STUB1: variants seen among roughly 807,000 people sequenced by gnomAD.
STUB1 encodes the protein E3 ubiquitin-protein ligase CHIP.
In STUB1, 37 loss-of-function variants were observed where a neutral mutation model predicts 40.3. That is an observed-to-expected ratio of 0.92 (90% confidence interval 0.71 to 1.21). The LOEUF (loss-of-function observed/expected upper bound fraction) is 1.21. Among genes scored for constraint, STUB1 ranks in the 50% most tolerant of loss-of-function variants. STUB1 has a pLI of 0.00. For missense variants in STUB1, 460 were observed against 421.9 expected, an observed-to-expected ratio of 1.09 and a Z score of -0.79; for synonymous variants, 246 against 171.9, an observed-to-expected ratio of 1.43 and a Z score of -3.37.
chr16:682,186 C>T lies in STUB1; in HGVS notation c.691C>T (p.Leu231=), dbSNP rs779614903. 14 of 1,609,740 alleles carry T rather than the reference C, an allele frequency of 8.7e-6. No individual in the cohort carries two copies. In the African/African-American group the frequency reaches 1.6e-4, roughly 18 times the overall value. The part of the protein sequence containing the change: ...KRKKRDIPDY[L]CGKISFELMR... Reference sequence around the variant, plus strand: ...ACAGAAGCGAGACATCCCCGACTACCTGTGTGGCAAGATCAGCTTTGAGCT... The same window carrying T: ...ACAGAAGCGAGACATCCCCGACTACTTGTGTGGCAAGATCAGCTTTGAGCT... Residue 231 remains leucine (L), a synonymous_variant, in exon 6 of 7, where the codon CTG becomes TTG. Transcript: ENST00000219548.
rs774553201 is a variant in STUB1, at chr16:682,269, G to A, written c.774G>A (p.Glu258=). The change falls in exon 6 of 7, where the codon GAG becomes GAA. Residue 258 remains glutamate (E), a synonymous_variant. Coordinates refer to ENST00000219548, the MANE Select transcript of STUB1 (RefSeq NM_005861.4). ...SGITYDRKDI[E]EHLQRVGHFD... Reference sequence around the variant, plus strand: ...TCACCTACGACCGCAAGGACATCGAGGAGCACCTGCAGGTGAGGCCTGCGG... The same window carrying A: ...TCACCTACGACCGCAAGGACATCGAAGAGCACCTGCAGGTGAGGCCTGCGG... The A allele has an allele frequency of 1.3e-6, 2 of 1,597,562 alleles. No individual in the cohort carries two copies. Among genetic ancestry groups the A allele is most frequent in the Non-Finnish European group, 1.7e-6 (2 of 1,177,174 alleles).
In STUB1 at chr16:682,208, A is replaced by G. The variant is rs1203077728; in HGVS notation, c.713A>G (p.Glu238Gly). 2 of 1,612,912 alleles carry G rather than the reference A, an allele frequency of 1.2e-6. No individual in the cohort carries two copies. The highest frequency in any genetic ancestry group is 1.7e-6 in the Non-Finnish European group (2 of 1,179,654). ...PDYLCGKISF[E>G]LMREPCITPS... ...TACCTGTGTGGCAAGATCAGCTTTGAGCTGATGCGGGAGCCGTGCATCACG... is the reference window on the plus strand; with the variant it reads ...TACCTGTGTGGCAAGATCAGCTTTGGGCTGATGCGGGAGCCGTGCATCACG... Residue 238 changes from glutamate to glycine, a missense_variant, in exon 6 of 7, where the codon GAG becomes GGG. Physicochemically the swap from Glu to Gly is moderately conservative, Grantham distance 98. Coordinates refer to ENST00000219548, the MANE Select transcript of STUB1 (RefSeq NM_005861.4).
chr16:680,992 G>A lies in STUB1; in HGVS notation c.160-160G>A. 6 of 750,756 alleles carry A rather than the reference G, an allele frequency of 8.0e-6. No individual in the cohort carries two copies. The highest frequency in any genetic ancestry group is 2.9e-5 in the Admixed American group (1 of 34,080). The allele number at this position is 750,756 out of a possible 1,614,324, so 46.5% of individuals were successfully genotyped here. A position where few individuals can be genotyped will look rare whatever the true frequency, so the allele number is the denominator to read the frequency against. ...GGAATCAAGCGGATAGGCTCAGCCA[G>A]TACTCCACTGTGCACAGATCCTTGG... On this transcript the variant is annotated intron_variant, in intron 1 of 6. Transcript: ENST00000219548. The surrounding 1 kb of genome is among the most constrained non-coding windows in gnomAD (Gnocchi z 4.9).
At chr16:681,031 G>A in intron 1 of STUB1, 121 bp from the exon 2 acceptor site, 1 of 1,049,558 alleles carries the variant, frequency 9.5e-7, no homozygotes, top group Non-Finnish European at 1.4e-6. Flanking sequence ...CAGGGGCTTT[G>A]ACAACTGAGA....
intron 3 of STUB1, 53 bp from the exon 4 acceptor site, chr16:681,740 T>G: frequency 6.4e-7 from 1 of 1,554,480 alleles, no homozygotes; most frequent in East Asian, 2.3e-5. Context: ...GATTGGGGTG[T>G]GGTCAGACAT....
intron 5 of STUB1, 23 bp downstream of exon 5, chr16:682,099 C>G (rs377299643): frequency 8.9e-6 from 14 of 1,581,602 alleles, no homozygotes; most frequent in Non-Finnish European, 1.2e-5. Context: ...CGCTTGCTGC[C>G]GATGGCTGGC....
At position 680,470 on chromosome 16, in the gene STUB1, C is replaced by G. The variant is rs1374318363; in HGVS notation, c.-56C>G. The G allele has an allele frequency of 1.7e-6, 2 of 1,176,014 alleles. No individual in the cohort carries two copies. Among genetic ancestry groups the G allele is most frequent in the Admixed American group, 4.6e-5 (1 of 21,692 alleles). 72.8% of individuals were successfully genotyped at this position (1,176,014 alleles called of 1,614,324 possible). A position where few individuals can be genotyped will look rare whatever the true frequency, so the allele number is the denominator to read the frequency against. ...GGCTGCGGGGCTCCGGCTGCGGGCG[C>G]TGGGCCGCGAGGCGCGGAGCTTGGG... On this transcript the variant is annotated 5_prime_UTR_variant, in exon 1 of 7. Transcript: ENST00000219548. The surrounding 1 kb of genome is among the most constrained non-coding windows in gnomAD (Gnocchi z 4.9).
rs1352186724 is a variant in STUB1, at chr16:680,725, GGGGAGGGCCGGGCCC to G, written c.159+45_159+59del. 1 of 1,196,964 alleles carries G rather than the reference GGGGAGGGCCGGGCCC, an allele frequency of 8.4e-7. No individual in the cohort carries two copies. The highest frequency in any genetic ancestry group is 4.5e-5 in the Admixed American group (1 of 22,116). The allele number at this position is 1,196,964 out of a possible 1,614,324, so 74.1% of individuals were successfully genotyped here. On this transcript the variant is annotated intron_variant, in intron 1 of 6. Transcript: ENST00000219548. The surrounding 1 kb of genome is among the most constrained non-coding windows in gnomAD (Gnocchi z 4.9). ...CGGGGAGGGCGGCGGCGGTGGCACC[GGGGAGGGCCGGGCCC>G]GGGCCCGGCCGGCCCCACCGAGGGT...
At chr16:681,045 C>A (rs945646673) in intron 1 of STUB1, 107 bp from the exon 2 acceptor site, 3 of 1,177,530 alleles carry the variant, frequency 2.5e-6, no homozygotes, top group East Asian at 5.1e-5. Context: ...ACTGAGAAAC[C>A]TAGTTTCTTG....
At chr16:681,734 G>T in intron 3 of STUB1, 59 bp from the exon 4 acceptor site, 2 of 1,553,166 alleles carry the variant, frequency 1.3e-6, no homozygotes, top group Non-Finnish European at 1.7e-6. Context: ...CTCTGAGATT[G>T]GGGTGTGGTC....
chr16:681,737 G>T (rs765883057), intron 3 of STUB1, 56 bp from the exon 4 acceptor site: 1 of 1,554,046 alleles, frequency 6.4e-7, no homozygotes, highest in Non-Finnish European at 8.7e-7. Flanking sequence ...TGAGATTGGG[G>T]TGTGGTCAGA....
intron 4 of STUB1, 32 bp from the exon 5 acceptor site, chr16:681,988 C>G (rs560544537): frequency 6.2e-7 from 1 of 1,612,052 alleles, no homozygotes; most frequent in African/African-American, 1.3e-5. Context: ...GGTGGGGTGT[C>G]TCCCCCAAGC....
chr16:680,926 C>T lies in STUB1; in HGVS notation c.160-226C>T, dbSNP rs1474854915. On this transcript the variant is annotated intron_variant, in intron 1 of 6. Coordinates refer to ENST00000219548, the MANE Select transcript of STUB1 (RefSeq NM_005861.4). The surrounding 1 kb of genome is among the most constrained non-coding windows in gnomAD (Gnocchi z 4.9). Reference sequence around the variant, plus strand: ...CCCTTGAGGACCCCAGGTCCTAAGCCCGGACTCTCCAAAGATTTGGAAAAC... The same window carrying T: ...CCCTTGAGGACCCCAGGTCCTAAGCTCGGACTCTCCAAAGATTTGGAAAAC... 4.5e-6 allele frequency: 3 copies of T among 666,178 alleles called. No individual in the cohort carries two copies. The East Asian group carries it at 8.7e-5, about 19-fold the overall frequency. 41.3% of individuals were successfully genotyped at this position (666,178 alleles called of 1,614,324 possible).
At chr16:681,929 G>A (rs756410052) in intron 4 of STUB1, 49 bp downstream of exon 4, 22 of 1,612,656 alleles carry the variant, frequency 1.4e-5, no homozygotes, top group South Asian at 5.5e-5. Context: ...TGCACGTGGC[G>A]TGGGAGCATC....
At position 681,606 on chromosome 16, in the gene STUB1, G is replaced by A. The variant is rs756314027; in HGVS notation, c.524+3G>A. 62 of 1,603,878 alleles carry A rather than the reference G, an allele frequency of 3.9e-5. No homozygotes were observed. Among genetic ancestry groups the A allele is most frequent in the Non-Finnish European group, 4.9e-5 (58 of 1,174,636 alleles). On this transcript the variant is annotated splice_donor_region_variant and intron_variant, in intron 3 of 6. Transcript: ENST00000219548. Reference sequence around the variant, plus strand: ...CTCATTGCCGCGGAGCGTGAGAGGTGGGACCCTCACCCCAGGCCGCCCTGT... The same window carrying A: ...CTCATTGCCGCGGAGCGTGAGAGGTAGGACCCTCACCCCAGGCCGCCCTGT...
chr16:681,551 G>A lies in STUB1; in HGVS notation c.472G>A (p.Glu158Lys). 6.2e-7 allele frequency: 1 copy of A among 1,611,844 alleles called. No individual in the cohort carries two copies. Among genetic ancestry groups the A allele is most frequent in the Non-Finnish European group, 8.5e-7 (1 of 1,179,850 alleles). ...NSIEERRIHQ[E>K]SELHSYLSRL... ...CATTGAGGAGCGGCGCATCCACCAG[G>A]AGAGCGAGCTGCACTCCTACCTCTC... The change falls in exon 3 of 7, where the codon GAG (glutamate) becomes AAG (lysine). Residue 158 changes from glutamate (E) to lysine (K), a missense_variant. Glu to Lys is a moderately conservative substitution (Grantham distance 56). Transcript: ENST00000219548.
chr16:682,293 G>A lies in STUB1; in HGVS notation c.786+12G>A, dbSNP rs199936195. ...AGGAGCACCTGCAGGTGAGGCCTGC[G>A]GCTGGGGGAGCAGGGCCAGTGGCAT... is the stretch of plus-strand genomic sequence containing the variant. On this transcript the variant is annotated intron_variant, in intron 6 of 6. Transcript: ENST00000219548. 6.8e-6 allele frequency: 11 copies of A among 1,612,618 alleles called. No individual in the cohort carries two copies. Among genetic ancestry groups the A allele is most frequent in the South Asian group, 2.2e-5 (2 of 91,068 alleles).
chr16:681,467 A>T lies in STUB1; in HGVS notation c.388A>T (p.Asn130Tyr). ...CAGCCTGGCCAAGGAGCAGCGGCTG[A>T]ACTTCGGGGACGACATCCCCAGCGC... The part of the protein sequence containing the change: ...AYSLAKEQRL[N>Y]FGDDIPSALR... The change falls in exon 3 of 7, where the codon AAC (asparagine) becomes TAC (tyrosine). Residue 130 changes from asparagine to tyrosine, a missense_variant. By Grantham distance (143) the Asn-to-Tyr change is moderately radical. Coordinates refer to ENST00000219548, the MANE Select transcript of STUB1 (RefSeq NM_005861.4). 6.2e-7 allele frequency: 1 copy of T among 1,612,626 alleles called. No homozygotes were observed. Among genetic ancestry groups the T allele is most frequent in the South Asian group, 1.1e-5 (1 of 91,074 alleles).
chr16:681,381 C>G (rs909839782), intron 2 of STUB1, 31 bp downstream of exon 2: 1 of 1,611,572 alleles, frequency 6.2e-7, no homozygotes, highest in East Asian at 2.2e-5. Flanking sequence ...GTTGTGGGGC[C>G]TCTGGGGCCA....
Sources: allele counts gnomAD v4.1 joint callset, GRCh38; gene constraint gnomAD v4.1.1; non-coding constraint Gnocchi (gnomAD v3.1); transcripts MANE v1.5; gene names NCBI Gene and HGNC (gene_info 2026-07-23, HGNC 2026-07-21).